Variants in CBARP observed in about 807,000 individuals in gnomAD.
CBARP encodes voltage-dependent calcium channel beta subunit-associated regulatory protein.
In CBARP, 24 loss-of-function variants were observed where a neutral mutation model predicts 36.3. The ratio of observed to expected loss-of-function variants is 0.66; its 90% CI spans 0.48 to 0.93. CBARP has a LOEUF of 0.93. Among genes scored for constraint, CBARP ranks in the 40% least tolerant of loss-of-function variants. The pLI, the probability that CBARP is intolerant of heterozygous loss-of-function variation, is 0.00. For synonymous variants in CBARP, 586 were observed against 453.2 expected (o/e 1.29, Z -3.72); for missense variants, 1,146 against 980.4 (o/e 1.17, Z -2.26).
Position 1,229,264 on chromosome 19 carries a change from A to G in CBARP, c.2033T>C (p.Phe678Ser), listed in dbSNP as rs2080857776. The change falls in exon 10 of 10, where the codon TTT (phenylalanine) becomes TCT (serine). Residue 678 changes from phenylalanine (F) to serine (S), a missense_variant. Coordinates refer to ENST00000650044, the MANE Select transcript of CBARP (RefSeq NM_001393918.1). The surrounding 1 kb of genome is among the most constrained non-coding windows in gnomAD (Gnocchi z 5.1). ...GACGGGCTCGGCGAGGCGCGGCGGA[A>G]AGAGTCTCTCGTCGAGGCCAGCCGC... ...KLAAGLDERL[F>S]PPRLAEPVVA... The G allele has an allele frequency of 8.0e-7, 1 of 1,251,276 alleles. No homozygotes were observed. The highest frequency in any genetic ancestry group is 1.0e-6 in the Non-Finnish European group (1 of 973,654). 77.5% of individuals were successfully genotyped at this position (1,251,276 alleles called of 1,614,324 possible). A position where few individuals can be genotyped will look rare whatever the true frequency, so the allele number is the denominator to read the frequency against.
chr19:1,228,751 C>A lies in CBARP; in HGVS notation c.*428G>T, dbSNP rs1183963628. The stretch of plus-strand genomic sequence containing the variant: ...CGCCCGGGCGAGCTCGCGCACGCGC[C>A]CGGCACGCGGCGGCTCCATCGGGCC... On this transcript the variant is annotated 3_prime_UTR_variant, in exon 10 of 10. Coordinates refer to ENST00000650044, the MANE Select transcript of CBARP (RefSeq NM_001393918.1). 6.8e-6 allele frequency: 1 copy of A among 146,436 alleles called. No individual in the cohort carries two copies. The highest frequency in any genetic ancestry group is 1.5e-5 in the Non-Finnish European group (1 of 66,116). The allele number at this position is 146,436 out of a possible 1,614,324, so 9.1% of individuals were successfully genotyped here.
At chr19:1,233,881 C>T (rs900366740) in intron 7 of CBARP, among the ~76,000 whole-genome samples, 6 of 152,194 alleles carry the variant, frequency 3.9e-5, no homozygotes, top group African/African-American at 9.7e-5. Context: ...AAAGGAGGTG[C>T]GTGTCTAGAA....
intron 9 of CBARP, chr19:1,230,824 C>A: frequency 6.8e-7 from 1 of 1,471,876 alleles, no homozygotes; most frequent in Non-Finnish European, 8.9e-7. Context: ...AGGCCTCGGA[C>A]TCCACCAGCA....
Position 1,228,558 on chromosome 19 carries a change from G to A in CBARP, c.*621C>T, listed in dbSNP as rs2080847346. On this transcript the variant is annotated 3_prime_UTR_variant, in exon 10 of 10. Coordinates refer to ENST00000650044, the MANE Select transcript of CBARP (RefSeq NM_001393918.1). ...GGCCGGGGCCGGCTCCCTCAGGGCC[G>A]GCGGCAGCAGCGGTGGCGGCGCGGT... 5.7e-6 allele frequency: 1 copy of A among 174,524 alleles called. No homozygotes were observed. The highest frequency in any genetic ancestry group is 1.2e-5 in the Non-Finnish European group (1 of 81,044). 10.8% of individuals were successfully genotyped at this position (174,524 alleles called of 1,614,324 possible).
rs2080861134 is a variant in CBARP, at chr19:1,229,467, T to C, written c.1830A>G (p.Arg610=). 16 of 977,688 alleles carry C rather than the reference T, an allele frequency of 1.6e-5. No individual in the cohort carries two copies. The South Asian group carries it at 6.6e-4, about 40-fold the overall frequency. The allele number at this position is 977,688 out of a possible 1,614,324, so 60.6% of individuals were successfully genotyped here. A position where few individuals can be genotyped will look rare whatever the true frequency, so the allele number is the denominator to read the frequency against. Residue 610 remains arginine, a synonymous_variant, in exon 10 of 10, where the codon CGA becomes CGG. Transcript: ENST00000650044. This position sits in a 1 kb window ranked among gnomAD's most constrained non-coding sequence, Gnocchi z 5.1. ...CGCGCCGCAAGGGCGCACGCGCGGG[T>C]CGGGCCGCGCCGGCAGGCGGTGCCG... The part of the protein sequence containing the change: ...GTPAPPAGAA[R]PARAPLRRGD...
rs1478221922 is a variant in CBARP at position 1,233,460 on chromosome 19, C to A, written c.945G>T (p.Glu315Asp). 5 of 1,600,002 alleles carry A rather than the reference C, an allele frequency of 3.1e-6. No homozygotes were observed. Among genetic ancestry groups the A allele is most frequent in the African/African-American group, 1.3e-5 (1 of 74,776 alleles). Residue 315 changes from glutamate to aspartate, a missense_variant, in exon 8 of 10, where the codon GAG becomes GAT. Glu to Asp is a conservative substitution (Grantham distance 45). Transcript: ENST00000650044. ...PYFKVKKWKL[E>D]PSQRAASLDT... ...CCAGACTGGCTGCCCGCTGGCTGGG[C>A]TCCAGCTTCCACTTCTTGACCTTGA...
Position 1,235,880 on chromosome 19 carries a change from C to T in CBARP, c.144G>A (p.Leu48=), listed in dbSNP as rs2080963547. The stretch of plus-strand genomic sequence containing the variant: ...CCACGAACAGCGACATCACCACCAC[C>T]AGCAGCACGTAGTTGTCCAGGATGG... ...PDPILDNYVL[L]VVVMSLFVGG... Residue 48 remains leucine, a synonymous_variant, in exon 3 of 10, where the codon CTG becomes CTA. Transcript: ENST00000650044. 1.2e-6 allele frequency: 2 copies of T among 1,612,266 alleles called. No individual in the cohort carries two copies. The highest frequency in any genetic ancestry group is 1.3e-5 in the African/African-American group (1 of 74,934).
At chr19:1,235,687 T>C in intron 3 of CBARP, 92 bp downstream of exon 3, 3 of 1,596,830 alleles carry the variant, frequency 1.9e-6, no homozygotes, top group Non-Finnish European at 1.7e-6. Context: ...TAGCCCACCC[T>C]GTGACTCAGA....
intron 4 of CBARP, 163 bp from the exon 5 acceptor site, chr19:1,235,308 T>A: frequency 9.6e-7 from 1 of 1,040,878 alleles, no homozygotes; most frequent in Non-Finnish European, 1.3e-6. Flanking sequence ...GCTCACACAC[T>A]CACTCGCTCA....
intron 9 of CBARP, 74 bp downstream of exon 9, chr19:1,231,027 G>A: frequency 6.5e-7 from 1 of 1,548,842 alleles, no homozygotes; most frequent in Non-Finnish European, 8.7e-7. Flanking sequence ...CGCTCCCTGG[G>A]CCGCCTAGGG....
intron 1 of CBARP, among the ~76,000 whole-genome samples, chr19:1,237,212 G>A (rs1302190226): frequency 5.9e-5 from 9 of 152,248 alleles, no homozygotes; most frequent in Non-Finnish European, 1.3e-4. Flanking sequence ...CCAAAGCCGG[G>A]CAGGGTCCCG....
Position 1,235,861 on chromosome 19 carries a change from A to G in CBARP, c.163T>C (p.Phe55Leu). Residue 55 changes from phenylalanine (F) to leucine (L), a missense_variant, in exon 3 of 10, where the codon TTC becomes CTC. By Grantham distance (22) the Phe-to-Leu change is conservative. Coordinates refer to ENST00000650044, the MANE Select transcript of CBARP (RefSeq NM_001393918.1). ...AACACCACCAGCGTGCCCCCCACGA[A>G]CAGCGACATCACCACCACCAGCAGC... The part of the protein sequence containing the change: ...YVLLVVVMSL[F>L]VGGTLVVLSG... 1.2e-6 allele frequency: 2 copies of G among 1,612,158 alleles called. No homozygotes were observed. Among genetic ancestry groups the G allele is most frequent in the Non-Finnish European group, 1.7e-6 (2 of 1,179,922 alleles).
Position 1,235,863 on chromosome 19 carries a change from A to G in CBARP, c.161T>C (p.Leu54Pro). The change falls in exon 3 of 10, where the codon CTG (leucine) becomes CCG (proline). Residue 54 changes from leucine to proline, a missense_variant. By Grantham distance (98) the Leu-to-Pro change is moderately conservative. Coordinates refer to ENST00000650044, the MANE Select transcript of CBARP (RefSeq NM_001393918.1). ...NYVLLVVVMS[L>P]FVGGTLVVLS... ...CACCACCAGCGTGCCCCCCACGAAC[A>G]GCGACATCACCACCACCAGCAGCAC... The G allele has an allele frequency of 6.2e-7, 1 of 1,612,222 alleles. No homozygotes were observed. Among genetic ancestry groups the G allele is most frequent in the Non-Finnish European group, 8.5e-7 (1 of 1,179,930 alleles).
rs776800497 is a variant in CBARP at position 1,234,172 on chromosome 19, G to A, written c.768+19C>T. ...CTCCCCGGCTGTGGACACCATGGGG[G>A]ACACGCAGGGGCCCTCACCGAGGTG... On this transcript the variant is annotated intron_variant, in intron 7 of 9. Coordinates refer to ENST00000650044, the MANE Select transcript of CBARP (RefSeq NM_001393918.1). 26 of 1,499,908 alleles carry A rather than the reference G, an allele frequency of 1.7e-5. No homozygotes were observed. The highest frequency in any genetic ancestry group is 1.7e-4 in the African/African-American group (12 of 71,220). The allele number at this position is 1,499,908 out of a possible 1,614,324, so 92.9% of individuals were successfully genotyped here.
rs2080847233 is a variant in CBARP at position 1,228,556 on chromosome 19, C to T, written c.*623G>A. The T allele has an allele frequency of 1.7e-5, 3 of 174,786 alleles. No individual in the cohort carries two copies. In the South Asian group the frequency reaches 5.4e-4, roughly 32 times the overall value. The allele number at this position is 174,786 out of a possible 1,614,324, so 10.8% of individuals were successfully genotyped here. On this transcript the variant is annotated 3_prime_UTR_variant, in exon 10 of 10. Transcript: ENST00000650044. ...AGGGCCGGGGCCGGCTCCCTCAGGG[C>T]CGGCGGCAGCAGCGGTGGCGGCGCG...
In CBARP at chr19:1,229,993, CG is replaced by C; in HGVS notation, c.1303del (p.Arg435AlafsTer393). On this transcript the variant is annotated frameshift_variant, in exon 10 of 10. Coordinates refer to ENST00000650044, the MANE Select transcript of CBARP (RefSeq NM_001393918.1). LOFTEE classifies it low-confidence loss of function (END_TRUNC). The surrounding 1 kb of genome is among the most constrained non-coding windows in gnomAD (Gnocchi z 5.1). ...AGPEQAQTSY[R>X]DLWSLRASLE... ...CGAGGCGCGCAGGCTCCACAGGTCG[CG>C]GTAGCTGGTCTGGGCCTGCTCGGGG... The C allele has an allele frequency of 1.6e-6, 2 of 1,231,010 alleles. No homozygotes were observed. Among genetic ancestry groups the C allele is most frequent in the Non-Finnish European group, 2.1e-6 (2 of 964,454 alleles). The allele number at this position is 1,231,010 out of a possible 1,614,324, so 76.3% of individuals were successfully genotyped here. A position where few individuals can be genotyped will look rare whatever the true frequency, so the allele number is the denominator to read the frequency against.
chr19:1,234,588 T>C lies in CBARP; in HGVS notation c.610A>G (p.Thr204Ala). 6 of 1,605,626 alleles carry C rather than the reference T, an allele frequency of 3.7e-6. No homozygotes were observed. The highest frequency in any genetic ancestry group is 5.1e-6 in the Non-Finnish European group (6 of 1,176,976). ...AGGCTCACCTGGAAGATGGCCAGAG[T>C]GGCCTTGGGAGAGGTGGCCGGGTGG... ...TPHPATSPKA[T>A]LAIFQPPGKA... The change falls in exon 6 of 10, where the codon ACT becomes GCT. Residue 204 changes from threonine to alanine, a missense_variant. Physicochemically the swap from Thr to Ala is moderately conservative, Grantham distance 58. Transcript: ENST00000650044.
At chr19:1,231,659 A>G (rs1214089311) in intron 8 of CBARP, among the ~76,000 whole-genome samples, 3 of 140,570 alleles carry the variant, frequency 2.1e-5, no homozygotes, top group Non-Finnish European at 3.1e-5. Flanking sequence ...GCCCCCACAC[A>G]CACACAACGC....
At chr19:1,236,147 C>T in intron 1 of CBARP, 26 bp from the exon 2 acceptor site, 1 of 1,389,922 alleles carries the variant, frequency 7.2e-7, no homozygotes, top group South Asian at 1.6e-5. Flanking sequence ...CTGGTCAGCT[C>T]CAGCTAGACC....
Sources: allele counts gnomAD v4.1 joint callset (sites outside exome capture counted in the v4.1 genomes callset), GRCh38; gene constraint gnomAD v4.1.1; non-coding constraint Gnocchi (gnomAD v3.1); transcripts MANE v1.5; gene names NCBI Gene and HGNC (gene_info 2026-07-23, HGNC 2026-07-21).